PREX1: variants seen among roughly 807,000 people sequenced by gnomAD.
PREX1 encodes the protein phosphatidylinositol-3,4,5-trisphosphate dependent Rac exchange factor 1, also known as phosphatidylinositol 3,4,5-trisphosphate-dependent Rac exchanger 1 protein.
Under a neutral mutation model 198.3 loss-of-function variants are expected in PREX1, and 41 were observed. That is an observed-to-expected ratio of 0.21 (90% CI 0.16 to 0.27). PREX1 has a LOEUF of 0.27. PREX1 is among the 10% of genes least tolerant of loss of function. The pLI is 1.00. For missense variants in PREX1, 1,620 were observed against 2,200.7 expected, an observed-to-expected ratio of 0.74 and a Z score of 5.28; for synonymous variants, 843 against 887.2, an observed-to-expected ratio of 0.95 and a Z score of 0.89.
chr20:48,827,718 C>T lies in PREX1; in HGVS notation c.143G>A (p.Arg48His), dbSNP rs1413151504. 3.0e-6 allele frequency: 4 copies of T among 1,354,514 alleles called. No homozygotes were observed. Among genetic ancestry groups the T allele is most frequent in the Non-Finnish European group, 3.8e-6 (4 of 1,039,058 alleles). The allele number at this position is 1,354,514 out of a possible 1,614,324, so 83.9% of individuals were successfully genotyped here. ...AAARESERQL[R>H]LRLCVLNEIL... ...CTCGTTGAGGACGCAGAGGCGGAGG[C>T]GCAGCTGGCGCTCGGACTCCCGGGC... Residue 48 changes from arginine to histidine, a missense_variant, in exon 1 of 40, where the codon CGC (arginine) becomes CAC (histidine). This residue lies in a region of PREX1 where 96 missense variants were observed against 98.7 expected (regional missense o/e 0.97). Transcript: ENST00000371941. This position sits in a 1 kb window ranked among gnomAD's most constrained non-coding sequence, Gnocchi z 4.1.
At chr20:48,820,265 G>C (rs1049403004) in intron 1 of PREX1, among the ~76,000 whole-genome samples, 1 of 152,206 alleles carries the variant, frequency 6.6e-6, no homozygotes, top group Non-Finnish European at 1.5e-5. Flanking sequence ...GACTTCCTCC[G>C]GGAGGAGGGG....
chr20:48,849,805 C>T, the PREX1 span, among the ~76,000 whole-genome samples: 1 of 152,256 alleles, frequency 6.6e-6, no homozygotes, highest in Non-Finnish European at 1.5e-5. Context: ...ACATTGCCTA[C>T]TTGGTGGGGA....
At chr20:48,826,864 A>C (rs922190460) in intron 1 of PREX1, among the ~76,000 whole-genome samples, 10 of 152,228 alleles carry the variant, frequency 6.6e-5, no homozygotes, top group Admixed American at 4.6e-4. Flanking sequence ...GTCTCAAAAA[A>C]AAATTTTTTT....
intron 14 of PREX1, among the ~76,000 whole-genome samples, chr20:48,672,521 C>T (rs1413804346): frequency 5.3e-5 from 8 of 152,376 alleles, no homozygotes; most frequent in South Asian, 2.1e-4. Flanking sequence ...TACTCCGAGC[C>T]GGGCAGGGGT....
Position 48,737,537 on chromosome 20 carries a change from G to A in PREX1, c.415-2887C>T, listed in dbSNP as rs115546316. ...AAAGGAAGAAAAGAGAAGGAGGAACGGAGAGGCTAAAGGGCCCTCAGACCA... is the reference window on the plus strand; with the variant it reads ...AAAGGAAGAAAAGAGAAGGAGGAACAGAGAGGCTAAAGGGCCCTCAGACCA... On this transcript the variant is annotated intron_variant, in intron 3 of 39. Coordinates refer to ENST00000371941, the MANE Select transcript of PREX1 (RefSeq NM_020820.4). 7.9e-5 allele frequency among the ~76,000 whole-genome samples: 12 copies of A among 152,256 alleles called. No homozygotes were observed. In the East Asian group the frequency reaches 1.7e-3, roughly 22 times the overall value.
At chr20:48,863,544 C>T in the PREX1 span, among the ~76,000 whole-genome samples, 1 of 142,578 alleles carries the variant, frequency 7.0e-6, no homozygotes. Context: ...TCCAGAATGT[C>T]ATATAGTTGG....
At chr20:48,759,087 A>G (rs1391145267) in intron 1 of PREX1, among the ~76,000 whole-genome samples, 1 of 152,050 alleles carries the variant, frequency 6.6e-6, no homozygotes, top group Non-Finnish European at 1.5e-5. Flanking sequence ...AGTATGTAAG[A>G]GTGGATGAGG....
At chr20:48,775,140 G>A (rs1411507773) in intron 1 of PREX1, among the ~76,000 whole-genome samples, 10 of 152,274 alleles carry the variant, frequency 6.6e-5, no homozygotes, top group African/African-American at 2.4e-4. Flanking sequence ...GGCAAATGAC[G>A]CATGTAGCAC....
chr20:48,758,675 C>T (rs565621641), intron 1 of PREX1, among the ~76,000 whole-genome samples: 2 of 152,334 alleles, frequency 1.3e-5, no homozygotes, highest in East Asian at 1.9e-4. Context: ...CCCGGTCAGA[C>T]GTGGAGGCAG....
the PREX1 span, among the ~76,000 whole-genome samples, chr20:48,867,611 C>A: frequency 6.6e-6 from 1 of 152,114 alleles, no homozygotes; most frequent in Non-Finnish European, 1.5e-5. Context: ...GGTGTGGTGG[C>A]ATGCACCTGT....
chr20:48,848,574 T>G, the PREX1 span, among the ~76,000 whole-genome samples: 1 of 152,030 alleles, frequency 6.6e-6, no homozygotes, highest in East Asian at 1.9e-4. Context: ...ACTTATTAAT[T>G]ACACAAGTAA....
At chr20:48,715,217 C>T (rs1264332646) in intron 5 of PREX1, among the ~76,000 whole-genome samples, 1 of 152,176 alleles carries the variant, frequency 6.6e-6, no homozygotes, top group Non-Finnish European at 1.5e-5. Context: ...GGGAGAACTA[C>T]ATGACTAAGA....
chr20:48,877,064 G>A, the PREX1 span, among the ~76,000 whole-genome samples: 1 of 152,176 alleles, frequency 6.6e-6, no homozygotes, highest in African/African-American at 2.4e-5. Flanking sequence ...GAGGTCAGGA[G>A]TTCAAGACCA....
chr20:48,875,616 TA>T, the PREX1 span, among the ~76,000 whole-genome samples: 1 of 152,180 alleles, frequency 6.6e-6, no homozygotes, highest in African/African-American at 2.4e-5. Context: ...GGTATGCAGC[TA>T]AACATTCAAG....
At chr20:48,716,682 C>T (rs976294970) in intron 5 of PREX1, among the ~76,000 whole-genome samples, 1 of 152,238 alleles carries the variant, frequency 6.6e-6, no homozygotes, top group African/African-American at 2.4e-5. Flanking sequence ...CAGTGTGGAT[C>T]TGTGACTAAA....
At chr20:48,644,956 C>A (rs1483725509) in intron 26 of PREX1, among the ~76,000 whole-genome samples, 1 of 152,194 alleles carries the variant, frequency 6.6e-6, no homozygotes, top group African/African-American at 2.4e-5. Flanking sequence ...AGGATCCTGA[C>A]ATTTTTTCCT....
chr20:48,629,643 A>G, intron 36 of PREX1, 22 bp from the exon 37 acceptor site: 2 of 1,609,182 alleles, frequency 1.2e-6, no homozygotes, highest in Middle Eastern at 3.3e-4. Flanking sequence ...ACCACACATA[A>G]CCGGGGAGTT....
Position 48,747,794 on chromosome 20 carries a change from C to A in PREX1, c.291+15G>T, listed in dbSNP as rs778256297. On this transcript the variant is annotated intron_variant, in intron 2 of 39. Transcript: ENST00000371941. ...ACAGATGCTCTAGAACAGGGGCCAG[C>A]CCCAGCGTCCACACCTTGACATTCT... 4 of 1,608,304 alleles carry A rather than the reference C, an allele frequency of 2.5e-6. No homozygotes were observed. The South Asian group carries it at 3.3e-5, about 13-fold the overall frequency.
chr20:48,836,099 T>C, the PREX1 span, among the ~76,000 whole-genome samples: 1 of 152,110 alleles, frequency 6.6e-6, no homozygotes, highest in African/African-American at 2.4e-5. Flanking sequence ...TTAACCACGA[T>C]GGGAAAGATG....
Sources: allele counts gnomAD v4.1 joint callset (sites outside exome capture counted in the v4.1 genomes callset), GRCh38; gene constraint gnomAD v4.1.1; regional missense constraint gnomAD v4.1.1; non-coding constraint Gnocchi (gnomAD v3.1); transcripts MANE v1.5; gene names NCBI Gene and HGNC (gene_info 2026-07-23, HGNC 2026-07-21).